The following KCNQ1 variants were observed in gnomAD, a reference collection of about 807,000 sequenced individuals.
KCNQ1 encodes potassium voltage-gated channel subfamily KQT member 1.
KCNQ1 carries 49 observed loss-of-function variants against 72.4 expected under a neutral mutation model. The ratio of observed to expected loss-of-function variants is 0.68; its 90% CI spans 0.54 to 0.86. The LOEUF (loss-of-function observed/expected upper bound fraction) is 0.86, where lower values mean the gene tolerates loss of function less well. Among genes scored for constraint, KCNQ1 ranks in the 40% least tolerant of loss-of-function variants. The probability of loss-of-function intolerance (pLI) is 0.00; values close to 1 mark genes in which losing one functional copy is unlikely to be tolerated. For missense variants in KCNQ1, 790 were observed against 945.1 expected (o/e 0.84, Z 2.15); for synonymous variants, 450 against 412.6 (o/e 1.09, Z -1.10).
chr11:2,802,964 C>T (rs943722032), intron 15 of KCNQ1, among the ~76,000 whole-genome samples: 5 of 152,222 alleles, frequency 3.3e-5, no homozygotes, highest in Non-Finnish European at 7.3e-5. Context: ...GTGCCCTGGC[C>T]ACCACAGGGC....
rs1850162896 is a variant in KCNQ1 at position 2,670,457 on chromosome 11, C to T, written c.1514+8376C>T. ...ACTGCTGTTGGCTGAGACACACAGC[C>T]CACATCCTTGGTAGGTCCCTCAGAG... On this transcript the variant is annotated intron_variant, in intron 11 of 15. Transcript: ENST00000155840. This position sits in a 1 kb window ranked among gnomAD's most constrained non-coding sequence, Gnocchi z 4.9. 7.5e-6 allele frequency: 3 copies of T among 397,478 alleles called. No individual in the cohort carries two copies. Among genetic ancestry groups the T allele is most frequent in the South Asian group, 2.6e-4 (2 of 7,788 alleles). The allele number at this position is 397,478 out of a possible 1,614,324, so 24.6% of individuals were successfully genotyped here. A position where few individuals can be genotyped will look rare whatever the true frequency, so the allele number is the denominator to read the frequency against.
chr11:2,713,798 A>AC lies in KCNQ1; in HGVS notation c.1514+51717_1514+51718insC, dbSNP rs1851044592. On this transcript the variant is annotated intron_variant, in intron 11 of 15. Transcript: ENST00000155840. The surrounding 1 kb of genome is among the most constrained non-coding windows in gnomAD (Gnocchi z 5.6). ...ATCCATATTCCTCACTGTAGAGTTCATGGATTCAGAGGATATACCGTATTC... is the reference window on the plus strand; with the variant it reads ...ATCCATATTCCTCACTGTAGAGTTCACTGGATTCAGAGGATATACCGTATTC... 6.6e-6 allele frequency among the ~76,000 whole-genome samples: 1 copy of AC among 152,238 alleles called. No individual in the cohort carries two copies. Among genetic ancestry groups the AC allele is most frequent in the African/African-American group, 2.4e-5 (1 of 41,462 alleles).
rs1456731727 is a variant in KCNQ1, at chr11:2,785,870, C to A, written c.1794+7833C>A. 6.6e-6 allele frequency among the ~76,000 whole-genome samples: 1 copy of A among 151,994 alleles called. No homozygotes were observed. Among genetic ancestry groups the A allele is most frequent in the Non-Finnish European group, 1.5e-5 (1 of 67,892 alleles). On this transcript the variant is annotated intron_variant, in intron 15 of 15. Coordinates refer to ENST00000155840, the MANE Select transcript of KCNQ1 (RefSeq NM_000218.3). The surrounding 1 kb of genome is among the most constrained non-coding windows in gnomAD (Gnocchi z 4.4). ...ATATCAGAAGTAATTGCTATATCTA[C>A]CCATATCTGTAATAAAATAGGGATC...
At position 2,505,983 on chromosome 11, in the gene KCNQ1, T is replaced by C. The variant is rs375321528; in HGVS notation, c.387-21945T>C. ...ACAGACTTTACATTTTCATAAAATTTAATTTGTCCACGTGCTTAGCCCCTG... is the reference window on the plus strand; with the variant it reads ...ACAGACTTTACATTTTCATAAAATTCAATTTGTCCACGTGCTTAGCCCCTG... On this transcript the variant is annotated intron_variant, in intron 1 of 15. Coordinates refer to ENST00000155840, the MANE Select transcript of KCNQ1 (RefSeq NM_000218.3). Among the ~76,000 whole-genome samples, 3 of 152,206 alleles carry C rather than the reference T, an allele frequency of 2.0e-5. No homozygotes were observed. In the East Asian group the frequency reaches 5.8e-4, roughly 29 times the overall value.
rs1329483051 is a variant in KCNQ1, at chr11:2,769,774, C to T, written c.1590+855C>T. Among the ~76,000 whole-genome samples the T allele has an allele frequency of 6.6e-6, 1 of 152,134 alleles. No homozygotes were observed. The highest frequency in any genetic ancestry group is 1.5e-5 in the Non-Finnish European group (1 of 68,014). On this transcript the variant is annotated intron_variant, in intron 12 of 15. Transcript: ENST00000155840. The surrounding 1 kb of genome is among the most constrained non-coding windows in gnomAD (Gnocchi z 4.6). ...CTTGGAGCGGGGGGCGTGTGACGTG[C>T]TTGAGTGAGTGCGTGTCTGCAGGAG...
intron 15 of KCNQ1, among the ~76,000 whole-genome samples, chr11:2,812,520 G>A (rs930133584): frequency 3.9e-5 from 6 of 152,202 alleles, no homozygotes; most frequent in African/African-American, 7.2e-5. Context: ...GGGCATTTCC[G>A]GGAGGCGGGA....
rs369203991 is a variant in KCNQ1 at position 2,726,622 on chromosome 11, A to T, written c.1515-42222A>T. 7.9e-5 allele frequency among the ~76,000 whole-genome samples: 12 copies of T among 152,172 alleles called. No individual in the cohort carries two copies. In the East Asian group the frequency reaches 9.6e-4, roughly 12 times the overall value. ...TGAAGATCTGGTGGACTGAGGCCAG[A>T]GAAAAAGGGGATGACCCATTCCTAG... is the stretch of plus-strand genomic sequence containing the variant. On this transcript the variant is annotated intron_variant, in intron 11 of 15. Transcript: ENST00000155840.
intron 1 of KCNQ1, among the ~76,000 whole-genome samples, chr11:2,474,806 A>G (rs1846547225): frequency 8.3e-6 from 1 of 119,886 alleles, no homozygotes; most frequent in South Asian, 2.9e-4. Context: ...GGATTAGTGC[A>G]GATTGTGATG....
chr11:2,580,633 G>A (rs1214598440), intron 6 of KCNQ1, among the ~76,000 whole-genome samples: 11 of 152,112 alleles, frequency 7.2e-5, no homozygotes, highest in Non-Finnish European at 1.5e-4. Context: ...GAGTGCTGCC[G>A]TCCCTGAGCC....
Position 2,847,844 on chromosome 11 carries a change from C to A in KCNQ1, c.1872C>A (p.Thr624=). The A allele has an allele frequency of 6.4e-7, 1 of 1,570,746 alleles. No individual in the cohort carries two copies. Among genetic ancestry groups the A allele is most frequent in the South Asian group, 1.2e-5 (1 of 85,684 alleles). The part of the protein sequence containing the change: ...HQLLSLHGGS[T]PGSGGPPREG... Reference sequence around the variant, plus strand: ...TGCTCTCCTTGCACGGTGGCAGCACCCCCGGCAGCGGCGGCCCCCCCAGAG... The same window carrying A: ...TGCTCTCCTTGCACGGTGGCAGCACACCCGGCAGCGGCGGCCCCCCCAGAG... Residue 624 remains threonine, a synonymous_variant, in exon 16 of 16, where the codon ACC becomes ACA. Transcript: ENST00000155840.
rs1848957735 is a variant in KCNQ1, at chr11:2,610,273, T to C, written c.1393+21419T>C. 10 of 397,982 alleles carry C rather than the reference T, an allele frequency of 2.5e-5. No individual in the cohort carries two copies. The South Asian group carries it at 8.9e-4, about 35-fold the overall frequency. 24.7% of individuals were successfully genotyped at this position (397,982 alleles called of 1,614,324 possible). A position where few individuals can be genotyped will look rare whatever the true frequency, so the allele number is the denominator to read the frequency against. Reference sequence around the variant, plus strand: ...GTGAGATACAGAAGTTATTCCTGTATGAGTTTATTCAGTTTTACCACTTTT... The same window carrying C: ...GTGAGATACAGAAGTTATTCCTGTACGAGTTTATTCAGTTTTACCACTTTT... On this transcript the variant is annotated intron_variant, in intron 10 of 15. Coordinates refer to ENST00000155840, the MANE Select transcript of KCNQ1 (RefSeq NM_000218.3).
Position 2,842,070 on chromosome 11 carries a change from C to T in KCNQ1, c.1795-5697C>T, listed in dbSNP as rs115997655. 4.8e-3 allele frequency among the ~76,000 whole-genome samples: 728 copies of T among 152,300 alleles called. 6 individuals are homozygous for T. The highest frequency in any genetic ancestry group is 0.017 in the African/African-American group (693 of 41,570). On this transcript the variant is annotated intron_variant, in intron 15 of 15. Transcript: ENST00000155840. ...GTCCCCAGCCGCGGCAGAGCTTCCT[C>T]TGGCTGCTCGGCAGACAACAGACAC...
At chr11:2,554,154 C>A (rs1011165245) in intron 2 of KCNQ1, among the ~76,000 whole-genome samples, 2 of 152,242 alleles carry the variant, frequency 1.3e-5, no homozygotes, top group Non-Finnish European at 2.9e-5. Context: ...ATGCCGCTGG[C>A]ATCAGAGAAT....
Position 2,653,921 on chromosome 11 carries a change from G to A in KCNQ1, c.1394-8040G>A. On this transcript the variant is annotated intron_variant, in intron 10 of 15. Coordinates refer to ENST00000155840, the MANE Select transcript of KCNQ1 (RefSeq NM_000218.3). The surrounding 1 kb of genome is among the most constrained non-coding windows in gnomAD (Gnocchi z 5.3). ...AAGATTTGAGAAGCTGTTCCCAGAA[G>A]CCAGGCCTGGCTGCTGGCAGGCAAA... 1 of 398,754 alleles carries A rather than the reference G, an allele frequency of 2.5e-6. No homozygotes were observed. The highest frequency in any genetic ancestry group is 1.3e-4 in the South Asian group (1 of 7,866). The allele number at this position is 398,754 out of a possible 1,614,324, so 24.7% of individuals were successfully genotyped here.
rs567609796 is a variant in KCNQ1 at position 2,538,107 on chromosome 11, A to G, written c.477+10089A>G. Among the ~76,000 whole-genome samples the G allele has an allele frequency of 3.4e-4, 52 of 152,290 alleles. No homozygotes were observed. Among genetic ancestry groups the G allele is most frequent in the African/African-American group, 1.2e-3 (49 of 41,568 alleles). ...AAGCCCGTGTATATCCTCTGGAATG[A>G]GGACCTTCAACTTAGCCAGGGTGTC... is the stretch of plus-strand genomic sequence containing the variant. On this transcript the variant is annotated intron_variant, in intron 2 of 15. Transcript: ENST00000155840. This position sits in a 1 kb window ranked among gnomAD's most constrained non-coding sequence, Gnocchi z 6.7.
intron 1 of KCNQ1, among the ~76,000 whole-genome samples, chr11:2,518,465 T>A (rs895594784): frequency 2.6e-5 from 4 of 151,640 alleles, no homozygotes; most frequent in African/African-American, 9.7e-5. Context: ...TCTGGGGAGG[T>A]GCTGCAGGCA....
Position 2,623,881 on chromosome 11 carries a change from T to C in KCNQ1, c.1393+35027T>C. 2.5e-6 allele frequency: 1 copy of C among 398,616 alleles called. No individual in the cohort carries two copies. Among genetic ancestry groups the C allele is most frequent in the Non-Finnish European group, 4.4e-6 (1 of 226,052 alleles). 24.7% of individuals were successfully genotyped at this position (398,616 alleles called of 1,614,324 possible). On this transcript the variant is annotated intron_variant, in intron 10 of 15. Coordinates refer to ENST00000155840, the MANE Select transcript of KCNQ1 (RefSeq NM_000218.3). The surrounding 1 kb of genome is among the most constrained non-coding windows in gnomAD (Gnocchi z 5.2). ...CTCTGGATTCTTCGGGGGATATGTA[T>C]ACACATTCAGAAGTGGAATTGATGG... is the stretch of plus-strand genomic sequence containing the variant.
intron 10 of KCNQ1, chr11:2,610,057 GT>G (rs1848953819): frequency 2.5e-6 from 1 of 397,456 alleles, no homozygotes; most frequent in Non-Finnish European, 4.4e-6. Flanking sequence ...TTTACTTTTG[GT>G]CTTTTCTATG....
At chr11:2,741,273 C>T (rs1269148274) in intron 11 of KCNQ1, among the ~76,000 whole-genome samples, 1 of 152,192 alleles carries the variant, frequency 6.6e-6, no homozygotes, top group Non-Finnish European at 1.5e-5. Flanking sequence ...GACTTTTACT[C>T]TGCCGCTGAG....
Sources: allele counts gnomAD v4.1 joint callset (sites outside exome capture counted in the v4.1 genomes callset), GRCh38; gene constraint gnomAD v4.1.1; non-coding constraint Gnocchi (gnomAD v3.1); transcripts MANE v1.5; gene names NCBI Gene and HGNC (gene_info 2026-07-23, HGNC 2026-07-21).